RHOT2: variants seen among roughly 807,000 people sequenced by gnomAD.
RHOT2 encodes the protein mitochondrial Rho GTPase 2.
In RHOT2, 90 loss-of-function variants were observed where a neutral mutation model predicts 81.6. That is an observed-to-expected ratio of 1.10 (90% confidence interval 0.93 to 1.31). RHOT2 has a LOEUF of 1.31. Among genes scored for constraint, RHOT2 ranks in the 40% most tolerant of loss-of-function variants. The pLI is 0.00. For missense variants in RHOT2, 1,014 were observed against 841.9 expected (o/e 1.20, Z -2.53); for synonymous variants, 512 against 370.9 (o/e 1.38, Z -4.37).
In RHOT2 at chr16:671,772, G is replaced by C. The variant is rs756928643; in HGVS notation, c.945G>C (p.Lys315Asn). ...GYQFVQRVFE[K>N]HDQDRDGALS... The stretch of plus-strand genomic sequence containing the variant: ...AGTTTGTGCAGAGAGTGTTTGAGAA[G>C]CACGACCAGGTGAGAGCATGGCGAG... The change falls in exon 12 of 19, where the codon AAG becomes AAC. Residue 315 changes from lysine to asparagine, a missense_variant. By Grantham distance (94) the Lys-to-Asn change is moderately conservative. Coordinates refer to ENST00000315082, the MANE Select transcript of RHOT2 (RefSeq NM_138769.3). 6.2e-7 allele frequency: 1 copy of C among 1,612,218 alleles called. No individual in the cohort carries two copies. The highest frequency in any genetic ancestry group is 1.1e-5 in the South Asian group (1 of 91,080).
At position 670,156 on chromosome 16, in the gene RHOT2, G is replaced by A; in HGVS notation, c.310G>A (p.Gly104Arg). Residue 104 changes from glycine to arginine, a missense_variant, in exon 6 of 19, where the codon GGG becomes AGG. By Grantham distance (125) the Gly-to-Arg change is moderately radical. Transcript: ENST00000315082. ...TAAGTGGATCCCACTGGTGAATGGG[G>A]GGACCACGCAGGGGCCCAGGTAATG... ...RTKWIPLVNG[G>R]TTQGPRVPII... 1 of 1,592,718 alleles carries A rather than the reference G, an allele frequency of 6.3e-7. No individual in the cohort carries two copies. The highest frequency in any genetic ancestry group is 1.1e-5 in the South Asian group (1 of 88,864).
chr16:669,897 C>T (rs1394170996), intron 5 of RHOT2: 1 of 614,206 alleles, frequency 1.6e-6, no homozygotes, highest in Non-Finnish European at 2.8e-6. Flanking sequence ...CGGCCCTAGG[C>T]TTGGGCCCCA....
In RHOT2 at chr16:668,693, C is replaced by T. The variant is rs2038357894; in HGVS notation, c.216C>T (p.Ile72=). The T allele has an allele frequency of 7.5e-6, 12 of 1,600,782 alleles. No individual in the cohort carries two copies. The highest frequency in any genetic ancestry group is 5.2e-5 in the Admixed American group (3 of 58,236). Residue 72 remains isoleucine (I), a synonymous_variant, in exon 4 of 19, where the codon ATC becomes ATT. Coordinates refer to ENST00000315082, the MANE Select transcript of RHOT2 (RefSeq NM_138769.3). ...EQTDEELREE[I]HKANVVCVVY... Reference sequence around the variant, plus strand: ...CGGACGAGGAGCTGCGGGAGGAGATCCACAAGGTACCCGTGGTGCGCGGGA... The same window carrying T: ...CGGACGAGGAGCTGCGGGAGGAGATTCACAAGGTACCCGTGGTGCGCGGGA...
At chr16:671,810 G>GCCCCGGCCCCCCCCCCC in intron 12 of RHOT2, 29 bp downstream of exon 12, 1 of 1,586,242 alleles carries the variant, frequency 6.3e-7, no homozygotes, top group Non-Finnish European at 8.6e-7. Flanking sequence ...CCCTGCCCCT[G>GCCCCGGCCCCCCCCCCC]CCCCCGCCCC....
At position 672,311 on chromosome 16, in the gene RHOT2, T is replaced by G; in HGVS notation, c.1253T>G (p.Leu418Arg). ...EKGQTQRSVL[L>R]CKVVGARGVG... ...GGACAGACGCAGCGGAGCGTCCTCC[T>G]GTGCAAGGTGGTAGGGGCCCGTGGA... Residue 418 changes from leucine to arginine, a missense_variant, in exon 15 of 19, where the codon CTG becomes CGG. Physicochemically the swap from Leu to Arg is moderately radical, Grantham distance 102. Transcript: ENST00000315082. The G allele has an allele frequency of 2.5e-6, 4 of 1,612,414 alleles. No homozygotes were observed. Among genetic ancestry groups the G allele is most frequent in the Non-Finnish European group, 3.4e-6 (4 of 1,179,770 alleles).
In RHOT2 at chr16:672,104, T is replaced by G; in HGVS notation, c.1118T>G (p.Val373Gly). Residue 373 changes from valine to glycine, a missense_variant, in exon 14 of 19, where the codon GTC (valine) becomes GGC (glycine). By Grantham distance (109) the Val-to-Gly change is moderately radical. Coordinates refer to ENST00000315082, the MANE Select transcript of RHOT2 (RefSeq NM_138769.3). ...CCCAGCCTGGTGACCTACCTGGACG[T>G]CCGGAGCTGCCTTGGACACCTAGGC... The part of the protein sequence containing the change: ...CQWTLVTYLD[V>G]RSCLGHLGYL... 1 of 1,611,852 alleles carries G rather than the reference T, an allele frequency of 6.2e-7. No homozygotes were observed. The highest frequency in any genetic ancestry group is 1.6e-4 in the Middle Eastern group (1 of 6,062).
chr16:670,046 C>G (rs1355044617), intron 5 of RHOT2, 77 bp from the exon 6 acceptor site: 3 of 1,398,900 alleles, frequency 2.1e-6, no homozygotes, highest in Non-Finnish European at 2.9e-6. Flanking sequence ...CTGCTCTCCC[C>G]CAGCCAGGCT....
intron 4 of RHOT2, 120 bp downstream of exon 4, chr16:668,819 C>T (rs2038387649): frequency 5.4e-6 from 6 of 1,107,766 alleles, no homozygotes; most frequent in African/African-American, 1.6e-5. Flanking sequence ...ATTCTGTGAC[C>T]TCCGCACTGA....
chr16:668,222 T>G lies in RHOT2; in HGVS notation c.23T>G (p.Leu8Arg). 1 of 579,128 alleles carries G rather than the reference T, an allele frequency of 1.7e-6. No homozygotes were observed. The highest frequency in any genetic ancestry group is 2.8e-6 in the Non-Finnish European group (1 of 360,928). The allele number at this position is 579,128 out of a possible 1,614,324, so 35.9% of individuals were successfully genotyped here. A position where few individuals can be genotyped will look rare whatever the true frequency, so the allele number is the denominator to read the frequency against. MRRDVRI[L>R]LLGEAQVGKT... ...GCTATGAGGCGGGACGTGCGCATCC[T>G]GTTACTGGGCGAGGGTAGGCGCCGG... The change falls in exon 1 of 19, where the codon CTG becomes CGG. Residue 8 changes from leucine (L) to arginine (R), a missense_variant. Physicochemically the swap from Leu to Arg is moderately radical, Grantham distance 102. Transcript: ENST00000315082.
chr16:671,145 C>G lies in RHOT2; in HGVS notation c.811C>G (p.Leu271Val). 5 of 1,601,432 alleles carry G rather than the reference C, an allele frequency of 3.1e-6. No individual in the cohort carries two copies. The highest frequency in any genetic ancestry group is 2.6e-6 in the Non-Finnish European group (3 of 1,175,416). ...RGRHETTWTI[L>V]RRFGYSDALE... ...CCGGCACGAGACCACCTGGACCATC[C>G]TGCGGCGCTTCGGCTACAGCGATGC... The change falls in exon 11 of 19, where the codon CTG (leucine) becomes GTG (valine). Residue 271 changes from leucine to valine, a missense_variant. By Grantham distance (32) the Leu-to-Val change is conservative. Coordinates refer to ENST00000315082, the MANE Select transcript of RHOT2 (RefSeq NM_138769.3).
chr16:670,701 G>C lies in RHOT2; in HGVS notation c.567G>C (p.Leu189=). 6.2e-7 allele frequency: 1 copy of C among 1,612,392 alleles called. No homozygotes were observed. The part of the protein sequence containing the change: ...KQLRPACAQA[L]TRIFRLSDQD... Reference sequence around the variant, plus strand: ...TGAGGCCCGCGTGCGCCCAGGCGCTGACGCGCATCTTCAGGCTCTCAGATC... The same window carrying C: ...TGAGGCCCGCGTGCGCCCAGGCGCTCACGCGCATCTTCAGGCTCTCAGATC... The change falls in exon 9 of 19, where the codon CTG becomes CTC. Residue 189 remains leucine, a synonymous_variant. Coordinates refer to ENST00000315082, the MANE Select transcript of RHOT2 (RefSeq NM_138769.3).
At position 672,997 on chromosome 16, in the gene RHOT2, G is replaced by T; in HGVS notation, c.1597G>T (p.Ala533Ser). The change falls in exon 18 of 19, where the codon GCG becomes TCG. Residue 533 changes from alanine to serine, a missense_variant. Coordinates refer to ENST00000315082, the MANE Select transcript of RHOT2 (RefSeq NM_138769.3). ...CAAGGCCGACCTGCCCGAAGGTGTC[G>T]CGGTGTCTGGCCCATCACCGGCCGA... Reference protein sequence around the residue: ...SSKADLPEGVAVSGPSPAEFC... With the variant: ...SSKADLPEGVSVSGPSPAEFC... 6.2e-7 allele frequency: 1 copy of T among 1,612,674 alleles called. No individual in the cohort carries two copies. The highest frequency in any genetic ancestry group is 8.5e-7 in the Non-Finnish European group (1 of 1,179,990).
At chr16:668,768 G>A (rs2038377265) in intron 4 of RHOT2, 69 bp downstream of exon 4, 1 of 1,482,464 alleles carries the variant, frequency 6.7e-7, no homozygotes, top group Non-Finnish European at 9.1e-7. Context: ...CGCAGCCTGG[G>A]GGATTGGACC....
At chr16:670,088 G>A (rs753270558) in intron 5 of RHOT2, 35 bp from the exon 6 acceptor site, 38 of 1,530,956 alleles carry the variant, frequency 2.5e-5, no homozygotes, top group Non-Finnish European at 3.0e-5. Flanking sequence ...GTGCCCGCGG[G>A]CAGCCTCACT....
In RHOT2 at chr16:673,015, C is replaced by T; in HGVS notation, c.1615C>T (p.Pro539Ser). 6.2e-7 allele frequency: 1 copy of T among 1,612,572 alleles called. No homozygotes were observed. Among genetic ancestry groups the T allele is most frequent in the Non-Finnish European group, 8.5e-7 (1 of 1,179,974 alleles). The part of the protein sequence containing the change: ...PEGVAVSGPS[P>S]AEFCRKHRLP... ...AGGTGTCGCGGTGTCTGGCCCATCA[C>T]CGGCCGAGTTTTGCCGCAAGCACCG... Residue 539 changes from proline to serine, a missense_variant, in exon 18 of 19, where the codon CCG (proline) becomes TCG (serine). Physicochemically the swap from Pro to Ser is moderately conservative, Grantham distance 74. Transcript: ENST00000315082.
chr16:669,186 G>A (rs1211098189), intron 4 of RHOT2: 4 of 410,326 alleles, frequency 9.7e-6, no homozygotes, highest in African/African-American at 8.1e-5. Flanking sequence ...CCAAGGCGGC[G>A]GCTGTCTTGC....
chr16:668,693 C>G lies in RHOT2; in HGVS notation c.216C>G (p.Ile72Met). 1 of 1,600,900 alleles carries G rather than the reference C, an allele frequency of 6.2e-7. No homozygotes were observed. Among genetic ancestry groups the G allele is most frequent in the Non-Finnish European group, 8.5e-7 (1 of 1,175,060 alleles). Residue 72 changes from isoleucine to methionine, a missense_variant, in exon 4 of 19, where the codon ATC (isoleucine) becomes ATG (methionine). Coordinates refer to ENST00000315082, the MANE Select transcript of RHOT2 (RefSeq NM_138769.3). ...CGGACGAGGAGCTGCGGGAGGAGAT[C>G]CACAAGGTACCCGTGGTGCGCGGGA... ...EQTDEELREE[I>M]HKANVVCVVY...
rs1351974454 is a variant in RHOT2 at position 668,678 on chromosome 16, G to A, written c.201G>A (p.Glu67=). 3.1e-6 allele frequency: 5 copies of A among 1,604,736 alleles called. No homozygotes were observed. Among genetic ancestry groups the A allele is most frequent in the South Asian group, 1.1e-5 (1 of 89,858 alleles). The change falls in exon 4 of 19, where the codon GAG becomes GAA. Residue 67 remains glutamate, a synonymous_variant. Transcript: ENST00000315082. ...TAGAAGCCGAGCAGACGGACGAGGAGCTGCGGGAGGAGATCCACAAGGTAC... is the reference window on the plus strand; with the variant it reads ...TAGAAGCCGAGCAGACGGACGAGGAACTGCGGGAGGAGATCCACAAGGTAC... The part of the protein sequence containing the change: ...DYSEAEQTDE[E]LREEIHKANV...
intron 4 of RHOT2, 191 bp downstream of exon 4, chr16:668,890 G>A (rs1383530683): frequency 1.8e-6 from 1 of 563,436 alleles, no homozygotes; most frequent in East Asian, 3.3e-5. Context: ...GTCCAGTGGT[G>A]CTCCAGGGAT....
Sources: allele counts gnomAD v4.1 joint callset, GRCh38; gene constraint gnomAD v4.1.1; transcripts MANE v1.5; gene names NCBI Gene and HGNC (gene_info 2026-07-23, HGNC 2026-07-21).